SRRM3: variants seen among roughly 807,000 people sequenced by gnomAD.
SRRM3 encodes serine/arginine repetitive matrix 3, also known as serine/arginine repetitive matrix protein 3.
SRRM3 carries 27 observed loss-of-function variants against 66.2 expected under a neutral mutation model. The observed-to-expected ratio is 0.41, with a 90% CI of 0.30 to 0.56. SRRM3 has a LOEUF of 0.56. SRRM3 is among the 20% of genes least tolerant of loss of function. The probability of loss-of-function intolerance (pLI) is 0.32; values close to 1 mark genes in which losing one functional copy is unlikely to be tolerated. For synonymous variants in SRRM3, 391 were observed against 414.9 expected (o/e 0.94, Z 0.70); for missense variants, 918 against 991.9 (o/e 0.93, Z 1.00).
At chr7:76,261,730 G>T in intron 8 of SRRM3, 149 bp downstream of exon 8, 1 of 894,048 alleles carries the variant, frequency 1.1e-6, no homozygotes. Context: ...GCGGGGACAG[G>T]GCAGTGGAGA....
At chr7:76,273,893 C>A (rs1563638914) in intron 11 of SRRM3, among the ~76,000 whole-genome samples, 1 of 152,186 alleles carries the variant, frequency 6.6e-6, no homozygotes, top group African/African-American at 2.4e-5. Flanking sequence ...TTCTTCCTCT[C>A]CATCCCTGAC....
chr7:76,281,758 G>A lies in SRRM3; in HGVS notation c.1326G>A (p.Gly442=). 1 of 1,375,118 alleles carries A rather than the reference G, an allele frequency of 7.3e-7. No homozygotes were observed. Among genetic ancestry groups the A allele is most frequent in the African/African-American group, 1.5e-5 (1 of 65,536 alleles). The allele number at this position is 1,375,118 out of a possible 1,614,324, so 85.2% of individuals were successfully genotyped here. A position where few individuals can be genotyped will look rare whatever the true frequency, so the allele number is the denominator to read the frequency against. The change falls in exon 12 of 15, where the codon GGG becomes GGA. Residue 442 remains glycine, a synonymous_variant. Coordinates refer to ENST00000611745, the MANE Select transcript of SRRM3 (RefSeq NM_001110199.3). ...GCGGCCGCGGCGCCCCCGGCCCCGGGCCCGAGCCCGGCTCTGAGCGAGGCC... is the reference window on the plus strand; with the variant it reads ...GCGGCCGCGGCGCCCCCGGCCCCGGACCCGAGCCCGGCTCTGAGCGAGGCC... ...SGSGRGAPGP[G]PEPGSERGHG...
intron 5 of SRRM3, among the ~76,000 whole-genome samples, 160 bp downstream of exon 5, chr7:76,260,357 G>C (rs1801826640): frequency 1.5e-5 from 1 of 68,852 alleles, no homozygotes; most frequent in Non-Finnish European, 2.7e-5. Context: ...GGTGCCCTCC[G>C]GGTAACTGAA....
intron 11 of SRRM3, chr7:76,268,615 CA>C (rs1366409509): frequency 2.0e-5 from 3 of 152,290 alleles, no homozygotes; most frequent in Non-Finnish European, 4.4e-5. Context: ...CCCACGGCCT[CA>C]GAGAGGAAAG....
At chr7:76,218,418 C>G (rs1800621066) in intron 1 of SRRM3, among the ~76,000 whole-genome samples, 2 of 152,016 alleles carry the variant, frequency 1.3e-5, no homozygotes, top group African/African-American at 4.8e-5. Flanking sequence ...TTCTCCCCAC[C>G]CTCCACCCCA....
intron 3 of SRRM3, among the ~76,000 whole-genome samples, chr7:76,248,894 C>T (rs528373170): frequency 2.6e-4 from 39 of 152,304 alleles, no homozygotes; most frequent in Admixed American, 5.9e-4. Flanking sequence ...GCAGGAGAAT[C>T]GCTTGAACCC....
chr7:76,205,187 T>C (rs1202135302), intron 1 of SRRM3, among the ~76,000 whole-genome samples: 2 of 152,032 alleles, frequency 1.3e-5, no homozygotes, highest in African/African-American at 4.8e-5. Flanking sequence ...GCTTGCCTCC[T>C]TTCTCTCTCT....
At chr7:76,220,741 G>A (rs138543641) in intron 1 of SRRM3, among the ~76,000 whole-genome samples, 1,585 of 152,320 alleles carry the variant, frequency 0.01, 24 homozygotes, top group South Asian at 0.034. Context: ...ACCCTTGCAA[G>A]CCAGGCTGCC....
At chr7:76,213,166 C>T (rs782741115) in intron 1 of SRRM3, among the ~76,000 whole-genome samples, 2 of 151,856 alleles carry the variant, frequency 1.3e-5, no homozygotes, top group African/African-American at 2.4e-5. Flanking sequence ...ACTGCCACCA[C>T]GCCCAGCTAA....
chr7:76,210,792 C>G (rs1158054174), intron 1 of SRRM3, among the ~76,000 whole-genome samples: 2 of 151,786 alleles, frequency 1.3e-5, no homozygotes, highest in Non-Finnish European at 2.9e-5. Flanking sequence ...TCCTTGAGCC[C>G]CAGCAGCCCT....
At chr7:76,253,321 T>C (rs1386844217) in intron 3 of SRRM3, among the ~76,000 whole-genome samples, 1 of 152,000 alleles carries the variant, frequency 6.6e-6, no homozygotes, top group Non-Finnish European at 1.5e-5. Context: ...ACCTCATTTC[T>C]ACTAAAAATA....
chr7:76,227,838 T>C (rs1249972713), intron 1 of SRRM3, among the ~76,000 whole-genome samples: 3 of 152,212 alleles, frequency 2.0e-5, no homozygotes, highest in African/African-American at 7.2e-5. Flanking sequence ...ACCTCATTCA[T>C]CCTACGACAA....
At chr7:76,243,423 A>G (rs1583901182) in intron 2 of SRRM3, among the ~76,000 whole-genome samples, 1 of 152,006 alleles carries the variant, frequency 6.6e-6, no homozygotes, top group Admixed American at 6.6e-5. Flanking sequence ...CCAACAAGAT[A>G]CCCTGGGGCA....
intron 1 of SRRM3, among the ~76,000 whole-genome samples, chr7:76,225,373 G>A (rs889765777): frequency 1.5e-4 from 23 of 152,178 alleles, no homozygotes; most frequent in African/African-American, 5.5e-4. Context: ...TGAGCGTGTG[G>A]AGGCTCTGAG....
At chr7:76,249,783 A>G (rs1801527818) in intron 3 of SRRM3, among the ~76,000 whole-genome samples, 1 of 152,140 alleles carries the variant, frequency 6.6e-6, no homozygotes, top group Non-Finnish European at 1.5e-5. Context: ...TATGTGGTAC[A>G]TGCCTGTAAT....
chr7:76,234,861 T>A (rs1801102338), intron 1 of SRRM3, 167 bp from the exon 2 acceptor site: 1 of 564,904 alleles, frequency 1.8e-6, no homozygotes. Flanking sequence ...CCCTGAGGTG[T>A]GACCCAAAGG....
chr7:76,235,312 C>T lies in SRRM3; in HGVS notation c.233+13C>T. The T allele has an allele frequency of 9.0e-7, 1 of 1,111,350 alleles. No homozygotes were observed. Among genetic ancestry groups the T allele is most frequent in the Non-Finnish European group, 1.2e-6 (1 of 847,610 alleles). The allele number at this position is 1,111,350 out of a possible 1,614,324, so 68.8% of individuals were successfully genotyped here. A position where few individuals can be genotyped will look rare whatever the true frequency, so the allele number is the denominator to read the frequency against. On this transcript the variant is annotated intron_variant, in intron 2 of 14. Transcript: ENST00000611745. ...TGGAGGAGCAGGGGTGAGCAGGCCG[C>T]GGGGCGGGACTGGGGTGGGGAGATA...
At chr7:76,228,842 T>C (rs966250833) in intron 1 of SRRM3, among the ~76,000 whole-genome samples, 17 of 151,704 alleles carry the variant, frequency 1.1e-4, no homozygotes, top group African/African-American at 3.6e-4. Context: ...TAATTTGTGG[T>C]CCATACTTGG....
chr7:76,256,775 T>C (rs1439711024), intron 3 of SRRM3, among the ~76,000 whole-genome samples: 1 of 150,534 alleles, frequency 6.6e-6, no homozygotes, highest in Non-Finnish European at 1.5e-5. Context: ...AATGGCATGA[T>C]CTCGGCTCAC....
Sources: gnomAD v4.1 joint callset for allele counts (sites outside exome capture counted in the v4.1 genomes callset) on GRCh38, gnomAD v4.1.1 for gene constraint, MANE v1.5 for transcripts, NCBI Gene and HGNC (gene_info 2026-07-23, HGNC 2026-07-21) for gene names.